The following LHFPL3 variants were observed in gnomAD, a reference collection of about 807,000 sequenced individuals.
The protein encoded by LHFPL3 is LHFPL tetraspan subfamily member 3 protein.
LHFPL3 carries 5 observed loss-of-function variants against 19.3 expected under a neutral mutation model. The ratio of observed to expected loss-of-function variants is 0.26; its 90% CI spans 0.14 to 0.54. The LOEUF (loss-of-function observed/expected upper bound fraction) is 0.54, where lower values mean the gene tolerates loss of function less well. LHFPL3 is among the 20% of genes least tolerant of loss of function. The probability of loss-of-function intolerance (pLI) is 0.94; values close to 1 mark genes in which losing one functional copy is unlikely to be tolerated. For missense variants in LHFPL3, 249 were observed against 307.4 expected, an observed-to-expected ratio of 0.81 and a Z score of 1.42; for synonymous variants, 133 against 126.2, an observed-to-expected ratio of 1.05 and a Z score of -0.36.
At chr7:104,687,948 G>T (rs1179915134) in intron 1 of LHFPL3, among the ~76,000 whole-genome samples, 1 of 152,212 alleles carries the variant, frequency 6.6e-6, no homozygotes, top group African/African-American at 2.4e-5. Context: ...CACTTGAATT[G>T]TGAACTAAGT....
chr7:104,744,017 CTT>C (rs77924373), intron 2 of LHFPL3: 24 of 136,898 alleles, frequency 1.8e-4, no homozygotes, highest in Admixed American at 3.0e-4. Flanking sequence ...TTTTTTGGTA[CTT>C]TTTTTTTTTT....
At position 104,624,206 on chromosome 7, in the gene LHFPL3, A is replaced by G. The variant is rs958545538; in HGVS notation, c.446-112469A>G. Among the ~76,000 whole-genome samples, 6 of 152,334 alleles carry G rather than the reference A, an allele frequency of 3.9e-5. No homozygotes were observed. In the South Asian group the frequency reaches 1.2e-3, roughly 32 times the overall value. ...AACCAAATATCGTGAGTTTTGACACACATACAAAACACGAGCGTCTATCTC... is the reference window on the plus strand; with the variant it reads ...AACCAAATATCGTGAGTTTTGACACGCATACAAAACACGAGCGTCTATCTC... On this transcript the variant is annotated intron_variant, in intron 1 of 2. Coordinates refer to ENST00000424859, the MANE Select transcript of LHFPL3 (RefSeq NM_199000.3).
chr7:104,738,050 C>G (rs1793862554), intron 2 of LHFPL3, among the ~76,000 whole-genome samples: 2 of 152,038 alleles, frequency 1.3e-5, no homozygotes, highest in Admixed American at 6.6e-5. Flanking sequence ...ATGGAGCAGC[C>G]CAGCAGAGCA....
At chr7:104,580,673 C>A (rs907145636) in intron 1 of LHFPL3, among the ~76,000 whole-genome samples, 1 of 152,028 alleles carries the variant, frequency 6.6e-6, no homozygotes, top group Non-Finnish European at 1.5e-5. Context: ...ATTTCCATCA[C>A]CCCAGAAAAT....
chr7:104,811,618 T>C (rs1243036376), intron 2 of LHFPL3, among the ~76,000 whole-genome samples: 2 of 152,206 alleles, frequency 1.3e-5, no homozygotes, highest in African/African-American at 4.8e-5. Flanking sequence ...GACTCTGGAT[T>C]AGCAGCATCA....
intron 1 of LHFPL3, among the ~76,000 whole-genome samples, chr7:104,521,073 T>C (rs943893535): frequency 7.2e-5 from 11 of 152,210 alleles, no homozygotes; most frequent in African/African-American, 2.7e-4. Flanking sequence ...CTGCTTTCTC[T>C]TGTGGGCATT....
At chr7:104,657,004 T>G (rs1266582435) in intron 1 of LHFPL3, among the ~76,000 whole-genome samples, 1 of 152,254 alleles carries the variant, frequency 6.6e-6, no homozygotes, top group African/African-American at 2.4e-5. Flanking sequence ...GCCTCTCATT[T>G]ACTTTCTTTT....
chr7:104,610,252 T>C (rs1331105847), intron 1 of LHFPL3, among the ~76,000 whole-genome samples: 1 of 152,122 alleles, frequency 6.6e-6, no homozygotes, highest in Non-Finnish European at 1.5e-5. Flanking sequence ...ATTGAATTCG[T>C]TTTTTTAATT....
chr7:104,518,641 A>G (rs186468606), intron 1 of LHFPL3, among the ~76,000 whole-genome samples: 211 of 152,280 alleles, frequency 1.4e-3, no homozygotes, highest in Middle Eastern at 3.4e-3. Context: ...AAAATTAGCC[A>G]GGCATAGTGG....
intron 1 of LHFPL3, among the ~76,000 whole-genome samples, chr7:104,365,796 A>AC (rs1562875974): frequency 5.1e-5 from 7 of 137,972 alleles, no homozygotes; most frequent in African/African-American, 1.8e-4. Flanking sequence ...TCAAAAAAAA[A>AC]AAAAAAAAAG....
intron 2 of LHFPL3, among the ~76,000 whole-genome samples, chr7:104,811,158 CTTTCTTTCTTTCT>C (rs1270516340): frequency 1.1e-3 from 24 of 20,966 alleles, no homozygotes; most frequent in South Asian, 7.1e-3. Context: ...CTTTTTCTTT[CTTTCTTTCTTTCT>C]TTTCTTTTCT....
intron 1 of LHFPL3, among the ~76,000 whole-genome samples, chr7:104,713,420 G>A (rs1562971048): frequency 2.0e-5 from 3 of 152,156 alleles, no homozygotes; most frequent in Non-Finnish European, 2.9e-5. Context: ...ACTTACAATC[G>A]TGGCAGAAGG....
intron 1 of LHFPL3, among the ~76,000 whole-genome samples, chr7:104,643,798 C>T (rs760633266): frequency 5.9e-5 from 9 of 152,176 alleles, no homozygotes; most frequent in Non-Finnish European, 1.3e-4. Flanking sequence ...GCAGGGGGCT[C>T]CATCTTCAGT....
chr7:104,595,060 T>C (rs1790815024), intron 1 of LHFPL3, among the ~76,000 whole-genome samples: 2 of 152,250 alleles, frequency 1.3e-5, no homozygotes, highest in Non-Finnish European at 2.9e-5. Flanking sequence ...AAAGTCATTC[T>C]CCGTCTAGCT....
intron 1 of LHFPL3, among the ~76,000 whole-genome samples, chr7:104,619,726 T>TAG (rs1412268791): frequency 1.1e-4 from 17 of 152,330 alleles, no homozygotes; most frequent in African/African-American, 4.1e-4. Flanking sequence ...CACACTTTTA[T>TAG]TCCTCAAGGA....
intron 2 of LHFPL3, among the ~76,000 whole-genome samples, chr7:104,751,816 C>T (rs201545109): frequency 0.019 from 2,889 of 151,876 alleles, 41 homozygotes; most frequent in East Asian, 0.052. Context: ...CAGGTGGCAT[C>T]GGTTCTAACG....
intron 1 of LHFPL3, among the ~76,000 whole-genome samples, chr7:104,331,360 G>T (rs921400905): frequency 1.3e-5 from 2 of 152,188 alleles, no homozygotes; most frequent in African/African-American, 2.4e-5. Flanking sequence ...GAGAAGTCCG[G>T]ATCCTTAAGT....
chr7:104,634,321 T>A (rs1252997266), intron 1 of LHFPL3, among the ~76,000 whole-genome samples: 2 of 152,180 alleles, frequency 1.3e-5, no homozygotes, highest in African/African-American at 4.8e-5. Context: ...TGGTGAGGGT[T>A]CCCTTCCTGG....
At chr7:104,403,760 A>G (rs2078483) in intron 1 of LHFPL3, among the ~76,000 whole-genome samples, 66,220 of 148,640 alleles carry the variant, frequency 0.45, 15,810 homozygotes, top group African/African-American at 0.63. Context: ...TCTCTCTCTC[A>G]TCATTAGGAA....
Sources: gnomAD v4.1 joint callset for allele counts (sites outside exome capture counted in the v4.1 genomes callset) on GRCh38, gnomAD v4.1.1 for gene constraint, MANE v1.5 for transcripts, NCBI Gene and HGNC (gene_info 2026-07-23, HGNC 2026-07-21) for gene names.